Variants in CACNB2 observed in about 807,000 individuals in gnomAD.
CACNB2 encodes the protein calcium voltage-gated channel auxiliary subunit beta 2.
Under a neutral mutation model 73.3 loss-of-function variants are expected in CACNB2, and 42 were observed. That is an observed-to-expected ratio of 0.57 (90% confidence interval 0.45 to 0.74). The LOEUF is 0.74. Among genes scored for constraint, CACNB2 ranks in the 30% least tolerant of loss-of-function variants. The pLI, the probability that CACNB2 is intolerant of heterozygous loss-of-function variation, is 0.00. For missense variants in CACNB2, 940 were observed against 853.0 expected (o/e 1.10, Z -1.27); for synonymous variants, 348 against 310.3 (o/e 1.12, Z -1.28).
intron 2 of CACNB2, among the ~76,000 whole-genome samples, chr10:18,359,437 A>G (rs969802156): frequency 5.9e-5 from 9 of 151,838 alleles, no homozygotes; most frequent in Non-Finnish European, 1.0e-4. Flanking sequence ...ATGCCCGGCT[A>G]ATTTTTTTTT....
chr10:18,391,525 T>G (rs1411005497), intron 2 of CACNB2, among the ~76,000 whole-genome samples: 1 of 152,128 alleles, frequency 6.6e-6, no homozygotes, highest in Non-Finnish European at 1.5e-5. Flanking sequence ...ACTTGGGATA[T>G]AGGAGTAAGT....
intron 2 of CACNB2, among the ~76,000 whole-genome samples, chr10:18,223,221 C>T (rs2035861514): frequency 6.6e-6 from 1 of 152,140 alleles, no homozygotes; most frequent in African/African-American, 2.4e-5. Flanking sequence ...ATCTGGTCTT[C>T]AAATATGAAC....
In CACNB2 at chr10:18,385,719, G is replaced by T. The variant is rs564430180; in HGVS notation, c.214-16205G>T. Among the ~76,000 whole-genome samples, 761 of 151,484 alleles carry T rather than the reference G, an allele frequency of 5.0e-3. 7 individuals are homozygous for T. The highest frequency in any genetic ancestry group is 0.018 in the African/African-American group (735 of 41,378). On this transcript the variant is annotated intron_variant, in intron 2 of 13. Coordinates refer to ENST00000324631, the MANE Select transcript of CACNB2 (RefSeq NM_201596.3). Reference sequence around the variant, plus strand: ...TACCAATGATAGAAAAATACTCTCTGATGGTTTTTTCTTTTTCTGATGCTT... The same window carrying T: ...TACCAATGATAGAAAAATACTCTCTTATGGTTTTTTCTTTTTCTGATGCTT...
At chr10:18,375,432 A>T (rs1360791641) in intron 2 of CACNB2, among the ~76,000 whole-genome samples, 1 of 152,128 alleles carries the variant, frequency 6.6e-6, no homozygotes, top group African/African-American at 2.4e-5. Context: ...TACTCTTTGG[A>T]TTGAGCTTTC....
At chr10:18,145,435 A>G (rs1588536348) in intron 1 of CACNB2, among the ~76,000 whole-genome samples, 1 of 151,820 alleles carries the variant, frequency 6.6e-6, no homozygotes, top group East Asian at 1.9e-4. Flanking sequence ...CTAATGTGAC[A>G]TGGGAGAAAT....
At chr10:18,195,764 T>A (rs1399141569) in intron 2 of CACNB2, among the ~76,000 whole-genome samples, 1 of 152,196 alleles carries the variant, frequency 6.6e-6, no homozygotes, top group Non-Finnish European at 1.5e-5. Flanking sequence ...CTGACACTGG[T>A]CCATTTCTCC....
intron 2 of CACNB2, among the ~76,000 whole-genome samples, chr10:18,234,435 G>C (rs779911475): frequency 6.6e-6 from 1 of 152,144 alleles, no homozygotes; most frequent in Non-Finnish European, 1.5e-5. Flanking sequence ...AGAGAGATTT[G>C]TACAGCCATA....
At chr10:18,401,711 A>G (rs559012063) in intron 2 of CACNB2, among the ~76,000 whole-genome samples, 1 of 152,296 alleles carries the variant, frequency 6.6e-6, no homozygotes, top group African/African-American at 2.4e-5. Context: ...AAAGCTTGGG[A>G]AGGAATGGCA....
intron 2 of CACNB2, among the ~76,000 whole-genome samples, chr10:18,243,322 A>C (rs1358445940): frequency 1.3e-5 from 2 of 152,150 alleles, no homozygotes; most frequent in Non-Finnish European, 2.9e-5. Flanking sequence ...GGTGATTCAT[A>C]GGAGTCCTGG....
chr10:18,463,539 G>A (rs1343623931), intron 3 of CACNB2, among the ~76,000 whole-genome samples: 2 of 151,894 alleles, frequency 1.3e-5, no homozygotes, highest in African/African-American at 2.4e-5. Flanking sequence ...ATCAGCCTCC[G>A]GAGTAGCTGG....
At chr10:18,449,689 C>T (rs1226302971) in intron 3 of CACNB2, among the ~76,000 whole-genome samples, 1 of 152,228 alleles carries the variant, frequency 6.6e-6, no homozygotes, top group Non-Finnish European at 1.5e-5. Context: ...GGAGTCCGAG[C>T]AGTCTATGGG....
At chr10:18,330,952 CCACCGTGCCCGGCCTTTTTATCTTCTG>C (rs1359914206) in intron 2 of CACNB2, among the ~76,000 whole-genome samples, 1 of 151,760 alleles carries the variant, frequency 6.6e-6, no homozygotes, top group African/African-American at 2.4e-5. Flanking sequence ...CAGGTGTGAG[CCACCGTGCCCGGCCTTTTTATCTTCTG>C]CACCATGCCC....
chr10:18,275,460 T>G (rs2038241872), intron 2 of CACNB2, among the ~76,000 whole-genome samples: 1 of 152,110 alleles, frequency 6.6e-6, no homozygotes. Flanking sequence ...CACAGAATAT[T>G]AGTCTCATAT....
intron 2 of CACNB2, among the ~76,000 whole-genome samples, chr10:18,345,569 T>A (rs1372098011): frequency 6.6e-6 from 1 of 152,224 alleles, no homozygotes; most frequent in Admixed American, 6.5e-5. Context: ...TTCTTCCTTC[T>A]TTCTTTCCTA....
chr10:18,472,398 G>A (rs2048239369), intron 3 of CACNB2, among the ~76,000 whole-genome samples: 2 of 151,822 alleles, frequency 1.3e-5, no homozygotes, highest in Non-Finnish European at 2.9e-5. Flanking sequence ...CACCATACAT[G>A]GCTAATTTTT....
In CACNB2 at chr10:18,531,283, C is replaced by G. The variant is rs183611813; in HGVS notation, c.1055-2793C>G. Among the ~76,000 whole-genome samples, 420 of 152,246 alleles carry G rather than the reference C, an allele frequency of 2.8e-3. 3 individuals are homozygous for G. Among genetic ancestry groups the G allele is most frequent in the Non-Finnish European group, 3.5e-3 (238 of 68,024 alleles). ...TGTTTTTTAACTTTTAAGTTCCTAT[C>G]ACCCAGGTATTAAGACTAGTACTCA... is the stretch of plus-strand genomic sequence containing the variant. On this transcript the variant is annotated intron_variant, in intron 10 of 13. Transcript: ENST00000324631.
Position 18,432,835 on chromosome 10 carries a change from AAAACAAACAAAC to A in CACNB2, c.333+30812_333+30823del, listed in dbSNP as rs71402166. Among the ~76,000 whole-genome samples the A allele has an allele frequency of 2.1e-3, 316 of 150,904 alleles. 1 individual carries two copies. The highest frequency in any genetic ancestry group is 7.3e-3 in the African/African-American group (301 of 41,022). On this transcript the variant is annotated intron_variant, in intron 3 of 13. Coordinates refer to ENST00000324631, the MANE Select transcript of CACNB2 (RefSeq NM_201596.3). ...GGTGACAGAGTCAGCCCTGTCTAAA[AAAACAAACAAAC>A]AAACAAACAAACAAACAAAAAACTG... is the stretch of plus-strand genomic sequence containing the variant.
intron 2 of CACNB2, among the ~76,000 whole-genome samples, chr10:18,274,403 C>T (rs1480544521): frequency 1.3e-5 from 2 of 152,208 alleles, no homozygotes; most frequent in African/African-American, 4.8e-5. Flanking sequence ...CCTCAACTTA[C>T]TCCTGAACGC....
At chr10:18,491,285 C>A (rs2049406669) in intron 3 of CACNB2, among the ~76,000 whole-genome samples, 1 of 152,170 alleles carries the variant, frequency 6.6e-6, no homozygotes, top group Admixed American at 6.5e-5. Flanking sequence ...TGCTGGAAAA[C>A]CATAAAAATC....
Sources: gnomAD v4.1 joint callset for allele counts (sites outside exome capture counted in the v4.1 genomes callset) on GRCh38, gnomAD v4.1.1 for gene constraint, MANE v1.5 for transcripts, NCBI Gene and HGNC (gene_info 2026-07-23, HGNC 2026-07-21) for gene names.